Variants in NR5A2 observed in about 807,000 individuals in gnomAD.
NR5A2 encodes the protein CYP7A promoter-binding factor.
In NR5A2, 26 loss-of-function variants were observed where a neutral mutation model predicts 62.7. The observed-to-expected ratio is 0.41, with a 90% confidence interval of 0.30 to 0.58. The LOEUF (loss-of-function observed/expected upper bound fraction) is 0.58. NR5A2 is among the 20% of genes least tolerant of loss of function. The pLI is 0.22. For synonymous variants in NR5A2, 246 were observed against 241.7 expected (o/e 1.02, Z -0.16); for missense variants, 541 against 669.1 (o/e 0.81, Z 2.11).
At chr1:200,106,468 T>A (rs1378622933) in intron 5 of NR5A2, among the ~76,000 whole-genome samples, 1 of 152,254 alleles carries the variant, frequency 6.6e-6, no homozygotes, top group Non-Finnish European at 1.5e-5. Context: ...CACTCTCATC[T>A]ATAATATCAA....
chr1:200,160,775 T>C (rs1317295617), intron 7 of NR5A2, among the ~76,000 whole-genome samples: 1 of 151,690 alleles, frequency 6.6e-6, no homozygotes. Flanking sequence ...GAGCTTAAAT[T>C]TGGCTTAATA....
intron 7 of NR5A2, among the ~76,000 whole-genome samples, chr1:200,154,909 T>C (rs1016408847): frequency 3.3e-5 from 5 of 152,166 alleles, no homozygotes; most frequent in South Asian, 2.1e-4. Flanking sequence ...AAAGATGCTT[T>C]TATTTTACCT....
chr1:200,135,581 G>A (rs1250962191), intron 7 of NR5A2, among the ~76,000 whole-genome samples: 4 of 151,872 alleles, frequency 2.6e-5, no homozygotes, highest in East Asian at 1.9e-4. Context: ...AAAGAGAGGC[G>A]TTCATGACAA....
chr1:200,032,515 C>A (rs1056375784), intron 1 of NR5A2, among the ~76,000 whole-genome samples: 14 of 152,276 alleles, frequency 9.2e-5, no homozygotes, highest in African/African-American at 3.1e-4. Flanking sequence ...ATGTAATTGT[C>A]CCCAAGGACT....
At position 200,048,082 on chromosome 1, in the gene NR5A2, T is replaced by C; in HGVS notation, c.464-90T>C. On this transcript the variant is annotated intron_variant, in intron 4 of 7. Transcript: ENST00000367362. This position sits in a 1 kb window ranked among gnomAD's most constrained non-coding sequence, Gnocchi z 4.8. Reference sequence around the variant, plus strand: ...ACAACCACACACATACCACTTCTTGTCGATTTACATTTCTAAATATCTGAA... The same window carrying C: ...ACAACCACACACATACCACTTCTTGCCGATTTACATTTCTAAATATCTGAA... 1 of 1,269,016 alleles carries C rather than the reference T, an allele frequency of 7.9e-7. No homozygotes were observed. The allele number at this position is 1,269,016 out of a possible 1,614,324, so 78.6% of individuals were successfully genotyped here.
At chr1:200,151,667 T>C (rs1383057316) in intron 7 of NR5A2, among the ~76,000 whole-genome samples, 3 of 152,226 alleles carry the variant, frequency 2.0e-5, no homozygotes, top group East Asian at 3.8e-4. Context: ...GGAGGCATTA[T>C]CATGTTTCAA....
At chr1:200,081,574 C>G (rs1456323285) in intron 5 of NR5A2, among the ~76,000 whole-genome samples, 1 of 152,322 alleles carries the variant, frequency 6.6e-6, no homozygotes, top group Middle Eastern at 3.4e-3. Context: ...TTGCAAACAG[C>G]CTCTTAATTG....
intron 5 of NR5A2, among the ~76,000 whole-genome samples, chr1:200,055,183 T>G (rs1472115546): frequency 6.6e-6 from 1 of 151,810 alleles, no homozygotes. Context: ...CATAACCCAC[T>G]GTGCCTGGCA....
intron 5 of NR5A2, among the ~76,000 whole-genome samples, chr1:200,052,530 A>AT (rs1160209043): frequency 6.6e-6 from 1 of 152,124 alleles, no homozygotes; most frequent in Non-Finnish European, 1.5e-5. Context: ...TTCACAGCAA[A>AT]TTACCTATCA....
At chr1:200,051,339 G>A (rs1160859474) in intron 5 of NR5A2, among the ~76,000 whole-genome samples, 1 of 152,180 alleles carries the variant, frequency 6.6e-6, no homozygotes, top group African/African-American at 2.4e-5. Flanking sequence ...AAGAAGGCTG[G>A]GAAAACTTTT....
At position 200,066,588 on chromosome 1, in the gene NR5A2, C is replaced by CTTTTTTTTTTTTTTTTTTTT. The variant is rs756874909; in HGVS notation, c.1110+17787_1110+17788insTTTTTTTTTTTTTTTTTTTT. ...CCCTGCCATCTATTTAATTAATTAT[C>CTTTTTTTTTTTTTTTTTTTT]TTTTTTTTTTTTTTTTTGAGAGGGA... On this transcript the variant is annotated intron_variant, in intron 5 of 7. Transcript: ENST00000367362. 2.9e-4 allele frequency among the ~76,000 whole-genome samples: 33 copies of CTTTTTTTTTTTTTTTTTTTT among 113,140 alleles called. 6 individuals are homozygous for CTTTTTTTTTTTTTTTTTTTT. The highest frequency in any genetic ancestry group is 9.4e-4 in the African/African-American group (23 of 24,452). 74.2% of individuals were successfully genotyped at this position (113,140 alleles called of 152,430 possible).
At chr1:200,169,401 C>A (rs1468166461) in intron 7 of NR5A2, among the ~76,000 whole-genome samples, 1 of 152,202 alleles carries the variant, frequency 6.6e-6, no homozygotes, top group Admixed American at 6.5e-5. Context: ...CCTGGCTCAG[C>A]AGAGGACCCA....
chr1:200,146,403 G>A (rs1205319177), intron 7 of NR5A2, among the ~76,000 whole-genome samples: 2 of 152,130 alleles, frequency 1.3e-5, no homozygotes, highest in Non-Finnish European at 2.9e-5. Context: ...TTTCTGTGGA[G>A]GCCAACACAG....
At chr1:200,091,718 C>T (rs909151409) in intron 5 of NR5A2, among the ~76,000 whole-genome samples, 14 of 152,044 alleles carry the variant, frequency 9.2e-5, no homozygotes, top group East Asian at 1.9e-4. Context: ...CTCCTGACCT[C>T]GTGATCCACT....
intron 5 of NR5A2, among the ~76,000 whole-genome samples, chr1:200,056,991 C>T (rs779007483): frequency 6.6e-5 from 10 of 152,192 alleles, no homozygotes; most frequent in Non-Finnish European, 1.0e-4. Flanking sequence ...GCTTAAGCCT[C>T]GGCAGCCAAG....
chr1:200,030,209 G>A (rs557477176), intron 1 of NR5A2, among the ~76,000 whole-genome samples: 118 of 152,266 alleles, frequency 7.7e-4, no homozygotes, highest in African/African-American at 2.7e-3. Flanking sequence ...AACCGAGCCC[G>A]GTGTATGTAG....
chr1:200,082,951 A>C (rs1664361609), intron 5 of NR5A2, among the ~76,000 whole-genome samples: 2 of 152,306 alleles, frequency 1.3e-5, no homozygotes, highest in South Asian at 4.1e-4. Flanking sequence ...TAAGAAACTA[A>C]GGCTATATGT....
chr1:200,154,820 G>C (rs1653302356), intron 7 of NR5A2, among the ~76,000 whole-genome samples: 1 of 152,216 alleles, frequency 6.6e-6, no homozygotes, highest in African/African-American at 2.4e-5. Flanking sequence ...CTAATGTCCA[G>C]TTCATGTTGA....
intron 4 of NR5A2, among the ~76,000 whole-genome samples, chr1:200,046,607 A>AG (rs1375644736): frequency 2.0e-5 from 3 of 152,198 alleles, no homozygotes; most frequent in African/African-American, 7.2e-5. Context: ...TTCCGAACAG[A>AG]GGTAGCCACT....
Sources: gnomAD v4.1 joint callset for allele counts (sites outside exome capture counted in the v4.1 genomes callset) on GRCh38, gnomAD v4.1.1 for gene constraint, Gnocchi (gnomAD v3.1) non-coding constraint, MANE v1.5 for transcripts, NCBI Gene and HGNC (gene_info 2026-07-23, HGNC 2026-07-21) for gene names.